The following PRKG1 variants were observed in gnomAD, a reference collection of about 807,000 sequenced individuals.
PRKG1 encodes the protein protein kinase cGMP-dependent 1, also known as cGMP-dependent protein kinase 1.
A neutral mutation model predicts 88.1 loss-of-function variants in PRKG1; 35 were observed. The ratio of observed to expected loss-of-function variants is 0.40; its 90% CI spans 0.30 to 0.53. PRKG1 has a LOEUF of 0.53. PRKG1 is among the 20% of genes least tolerant of loss of function. The probability of loss-of-function intolerance (pLI) is 0.59; values close to 1 mark genes in which losing one functional copy is unlikely to be tolerated. For missense variants in PRKG1, 540 were observed against 839.8 expected (o/e 0.64, Z 4.41); for synonymous variants, 303 against 292.5 (o/e 1.04, Z -0.37).
At chr10:51,851,437 A>G (rs1275682519) in intron 4 of PRKG1, among the ~76,000 whole-genome samples, 1 of 152,140 alleles carries the variant, frequency 6.6e-6, no homozygotes, top group African/African-American at 2.4e-5. Flanking sequence ...CACACCCCAC[A>G]AAAAAGAATC....
At chr10:52,233,736 G>A (rs1198967203) in intron 9 of PRKG1, among the ~76,000 whole-genome samples, 1 of 148,638 alleles carries the variant, frequency 6.7e-6, no homozygotes, top group South Asian at 2.2e-4. Flanking sequence ...GAGGCTGGGG[G>A]AGGGGCGCCC....
intron 2 of PRKG1, among the ~76,000 whole-genome samples, chr10:51,312,960 T>C (rs189795813): frequency 3.3e-4 from 51 of 152,280 alleles, no homozygotes; most frequent in African/African-American, 1.2e-3. Context: ...ATTGTAATGT[T>C]TCATTATCTC....
chr10:51,602,754 G>A lies in PRKG1; in HGVS notation c.592+134918G>A, dbSNP rs951304824. Among the ~76,000 whole-genome samples, 97 of 131,092 alleles carry A rather than the reference G, an allele frequency of 7.4e-4. 4 individuals are homozygous for A. The highest frequency in any genetic ancestry group is 3.5e-3 in the African/African-American group (94 of 27,042). The allele number at this position is 131,092 out of a possible 152,430, so 86.0% of individuals were successfully genotyped here. ...TATATGTGTGTGTGTGTGTGTGTGT[G>A]TGTGTGTGTGTGTGTGTGTGTGTGT... On this transcript the variant is annotated intron_variant, in intron 3 of 17. Transcript: ENST00000373980.
intron 1 of PRKG1, among the ~76,000 whole-genome samples, chr10:51,116,780 G>A (rs1340950700): frequency 6.6e-6 from 1 of 152,120 alleles, no homozygotes; most frequent in Non-Finnish European, 1.5e-5. Context: ...GATCAAGATG[G>A]TAAGATCTGA....
intron 1 of PRKG1, among the ~76,000 whole-genome samples, chr10:51,014,526 A>G (rs1476109406): frequency 6.6e-6 from 1 of 152,112 alleles, no homozygotes; most frequent in Non-Finnish European, 1.5e-5. Context: ...ATTATCTTGA[A>G]AACATTTTTT....
chr10:51,204,905 G>A (rs1011708994), intron 2 of PRKG1, among the ~76,000 whole-genome samples: 6 of 152,040 alleles, frequency 3.9e-5, no homozygotes, highest in Non-Finnish European at 8.8e-5. Flanking sequence ...ATTAGCAAAT[G>A]CACTGTATGA....
chr10:51,178,299 G>A (rs146805464), intron 2 of PRKG1, among the ~76,000 whole-genome samples: 25 of 152,202 alleles, frequency 1.6e-4, no homozygotes, highest in African/African-American at 4.3e-4. Flanking sequence ...GAGGAACAAT[G>A]CAATTGACTA....
intron 3 of PRKG1, among the ~76,000 whole-genome samples, chr10:51,514,036 CA>C (rs571572564): frequency 2.8e-5 from 4 of 141,070 alleles, no homozygotes; most frequent in Non-Finnish European, 6.1e-5. Flanking sequence ...AAAAACCCTT[CA>C]AAAAATCAAT....
In PRKG1 at chr10:52,256,411, G is replaced by A. The variant is rs1233807991; in HGVS notation, c.1173+4745G>A. On this transcript the variant is annotated intron_variant, in intron 10 of 17. Coordinates refer to ENST00000373980, the MANE Select transcript of PRKG1 (RefSeq NM_006258.4). ...ATGGTAGCTAGAAGCTAGAGCTCTA[G>A]AATTAGGCTTTCTGGATTCAGATAT... Among the ~76,000 whole-genome samples the A allele has an allele frequency of 3.6e-5, 5 of 139,202 alleles. 2 individuals carry two copies. The highest frequency in any genetic ancestry group is 5.0e-5 in the African/African-American group (2 of 40,260). The allele number at this position is 139,202 out of a possible 152,430, so 91.3% of individuals were successfully genotyped here. A position where few individuals can be genotyped will look rare whatever the true frequency, so the allele number is the denominator to read the frequency against.
In PRKG1 at chr10:51,212,581, A is replaced by G. The variant is rs1044450502; in HGVS notation, c.478+59251A>G. On this transcript the variant is annotated intron_variant, in intron 2 of 17. Coordinates refer to ENST00000373980, the MANE Select transcript of PRKG1 (RefSeq NM_006258.4). ...CAACCTACTCATCTGACAAAGGGCTAATATCCAGAATCTACAATGAACCCC... is the reference window on the plus strand; with the variant it reads ...CAACCTACTCATCTGACAAAGGGCTGATATCCAGAATCTACAATGAACCCC... 1.6e-4 allele frequency among the ~76,000 whole-genome samples: 24 copies of G among 152,228 alleles called. 1 individual carries two copies. The highest frequency in any genetic ancestry group is 2.6e-4 in the Admixed American group (4 of 15,282).
At chr10:52,131,074 G>T (rs1338495995) in intron 7 of PRKG1, among the ~76,000 whole-genome samples, 1 of 152,146 alleles carries the variant, frequency 6.6e-6, no homozygotes, top group Non-Finnish European at 1.5e-5. Context: ...TGAATGGAGG[G>T]AATGGAGGTG....
At chr10:51,803,920 T>A (rs1839239059) in intron 3 of PRKG1, among the ~76,000 whole-genome samples, 1 of 152,160 alleles carries the variant, frequency 6.6e-6, no homozygotes, top group Admixed American at 6.6e-5. Context: ...GCTTAATAGA[T>A]CAAATGGTGA....
intron 3 of PRKG1, among the ~76,000 whole-genome samples, chr10:51,561,345 T>C (rs1353481768): frequency 6.6e-6 from 1 of 151,530 alleles, no homozygotes; most frequent in African/African-American, 2.4e-5. Flanking sequence ...TCTCAAAAAA[T>C]TAAAAAAGAA....
Position 51,612,629 on chromosome 10 carries a change from C to G in PRKG1, c.592+144793C>G, listed in dbSNP as rs185450415. On this transcript the variant is annotated intron_variant, in intron 3 of 17. Coordinates refer to ENST00000373980, the MANE Select transcript of PRKG1 (RefSeq NM_006258.4). ...AATGCCTTTTATTTCTTTATCTTGCCTGATGCACTGGCTACAACATCCGGT... is the reference window on the plus strand; with the variant it reads ...AATGCCTTTTATTTCTTTATCTTGCGTGATGCACTGGCTACAACATCCGGT... Among the ~76,000 whole-genome samples the G allele has an allele frequency of 3.9e-5, 6 of 151,992 alleles. 1 individual carries two copies. In the East Asian group the frequency reaches 9.7e-4, roughly 24 times the overall value.
At chr10:52,004,292 T>C (rs1844674500) in intron 5 of PRKG1, among the ~76,000 whole-genome samples, 1 of 152,168 alleles carries the variant, frequency 6.6e-6, no homozygotes, top group African/African-American at 2.4e-5. Context: ...CAAATAAATA[T>C]TAGAAGAAAG....
chr10:51,334,829 G>C (rs1190811052), intron 2 of PRKG1, among the ~76,000 whole-genome samples: 1 of 152,096 alleles, frequency 6.6e-6, no homozygotes, highest in Admixed American at 6.6e-5. Flanking sequence ...AATTAGAGGA[G>C]AGCAGAGGCA....
intron 4 of PRKG1, among the ~76,000 whole-genome samples, chr10:51,808,778 CT>C (rs1213556657): frequency 2.0e-5 from 3 of 152,078 alleles, no homozygotes; most frequent in Non-Finnish European, 4.4e-5. Flanking sequence ...ATACTTTATA[CT>C]TTGTAAATGA....
intron 3 of PRKG1, among the ~76,000 whole-genome samples, chr10:51,608,508 A>C (rs1473716755): frequency 6.6e-6 from 1 of 152,184 alleles, no homozygotes; most frequent in East Asian, 1.9e-4. Flanking sequence ...GGAATTCACG[A>C]TCTGCTTAAA....
chr10:51,232,885 A>G (rs1420645166), intron 2 of PRKG1, among the ~76,000 whole-genome samples: 4 of 152,164 alleles, frequency 2.6e-5, no homozygotes, highest in Non-Finnish European at 5.9e-5. Context: ...AGCTATGATT[A>G]GTTAGTCAGG....
Sources: gnomAD v4.1 joint callset for allele counts (sites outside exome capture counted in the v4.1 genomes callset) on GRCh38, gnomAD v4.1.1 for gene constraint, MANE v1.5 for transcripts, NCBI Gene and HGNC (gene_info 2026-07-23, HGNC 2026-07-21) for gene names.